The following TSPOAP1 variants were observed in gnomAD, a reference collection of about 807,000 sequenced individuals.
TSPOAP1 encodes the protein TSPO associated protein 1.
TSPOAP1 carries 87 observed loss-of-function variants against 197.0 expected under a neutral mutation model. That is an observed-to-expected ratio of 0.44 (90% CI 0.37 to 0.53). TSPOAP1 has a LOEUF of 0.53. Ranked by LOEUF, TSPOAP1 falls within the 20% of genes least tolerant of loss-of-function variation. The pLI is 0.00. For synonymous variants in TSPOAP1, 913 were observed against 998.9 expected, an observed-to-expected ratio of 0.91 and a Z score of 1.62; for missense variants, 2,174 against 2,411.3, an observed-to-expected ratio of 0.90 and a Z score of 2.06.
Position 58,323,349 on chromosome 17 carries a change from G to C in TSPOAP1, c.1053C>G (p.Cys351Trp). ...TCCGGGCTTCCTGCTCCAGGCTCTC[G>C]CATTTCTTCCGCTTCTTGCTGAGCT... ...ESELSKKRKKCESLEQEARKK... is the reference protein window; with the variant it reads ...ESELSKKRKKWESLEQEARKK... The change falls in exon 7 of 32, where the codon TGC becomes TGG. Residue 351 changes from cysteine (C) to tryptophan (W), a missense_variant. Physicochemically the swap from Cys to Trp is radical, Grantham distance 215 (BLOSUM62 -2). Transcript: ENST00000343736. The C allele has an allele frequency of 6.2e-7, 1 of 1,614,202 alleles. No individual in the cohort carries two copies. Among genetic ancestry groups the C allele is most frequent in the Non-Finnish European group, 8.5e-7 (1 of 1,180,018 alleles).
intron 10 of TSPOAP1, among the ~76,000 whole-genome samples, chr17:58,321,864 A>G (rs1201545496): frequency 6.6e-6 from 1 of 152,148 alleles, no homozygotes; most frequent in African/African-American, 2.4e-5. Flanking sequence ...AACTCTTCCC[A>G]TGGCCGTTAA....
In TSPOAP1 at chr17:58,310,134, C is replaced by A. The variant is rs200895361; in HGVS notation, c.3724G>T (p.Val1242Phe). Reference protein sequence around the residue: ...AEKEDTAELGVHLVNSLVDHG... With the variant: ...AEKEDTAELGFHLVNSLVDHG... ...TCCACGAGGGAGTTCACCAGATGAA[C>A]CCCAAGCTCTGCTGTGTCCTCCTTC... is the stretch of plus-strand genomic sequence containing the variant. The change falls in exon 21 of 32, where the codon GTT becomes TTT. Residue 1242 changes from valine (V) to phenylalanine (F), a missense_variant. By Grantham distance (50) the Val-to-Phe change is conservative. Around this residue, in one of 5 missense-constraint regions of TSPOAP1, gnomAD observed 1,933 missense variants for 2,139.0 expected, o/e 0.90. Transcript: ENST00000343736. 5 of 1,613,048 alleles carry A rather than the reference C, an allele frequency of 3.1e-6. No individual in the cohort carries two copies. Among genetic ancestry groups the A allele is most frequent in the Non-Finnish European group, 3.4e-6 (4 of 1,179,950 alleles).
At chr17:58,308,503 C>G (rs1197041428) in intron 22 of TSPOAP1, 38 bp downstream of exon 22, 1 of 1,482,908 alleles carries the variant, frequency 6.7e-7, no homozygotes, top group Non-Finnish European at 8.9e-7. Context: ...CAGGTGGCAG[C>G]AGGCAGGGGC....
At position 58,323,467 on chromosome 17, in the gene TSPOAP1, C is replaced by A. The variant is rs1361412129; in HGVS notation, c.1020+1G>T. 3.1e-6 allele frequency: 5 copies of A among 1,614,102 alleles called. No homozygotes were observed. The highest frequency in any genetic ancestry group is 1.3e-5 in the African/African-American group (1 of 74,950). ...CCTCCAGCCCTTGACCTAGGACTTACCAGCTGCTGCACCCTCTGCTCTTTC... is the reference window on the plus strand; with the variant it reads ...CCTCCAGCCCTTGACCTAGGACTTAACAGCTGCTGCACCCTCTGCTCTTTC... On this transcript the variant is annotated splice_donor_variant, in intron 6 of 31. Transcript: ENST00000343736. LOFTEE classifies it high-confidence loss of function.
At position 58,305,337 on chromosome 17, in the gene TSPOAP1, G is replaced by A. The variant is rs529225806; in HGVS notation, c.5433+50C>T. The A allele has an allele frequency of 2.1e-5, 34 of 1,597,670 alleles. No individual in the cohort carries two copies. In the South Asian group the frequency reaches 2.8e-4, roughly 13 times the overall value. Reference sequence around the variant, plus strand: ...GGGTTCCTTGCCTATCCCCCTGTCCGAAGTCTGGGGGGCTGGGATATGGTA... The same window carrying A: ...GGGTTCCTTGCCTATCCCCCTGTCCAAAGTCTGGGGGGCTGGGATATGGTA... On this transcript the variant is annotated intron_variant, in intron 29 of 31. Transcript: ENST00000343736.
In TSPOAP1 at chr17:58,322,445, C is replaced by T; in HGVS notation, c.1318-33G>A. The T allele has an allele frequency of 6.3e-7, 1 of 1,598,180 alleles. No homozygotes were observed. Among genetic ancestry groups the T allele is most frequent in the South Asian group, 1.1e-5 (1 of 90,668 alleles). The stretch of plus-strand genomic sequence containing the variant: ...ACAAGATCTGAGTCAAGGCCAGAGC[C>T]CCTACTTGGCCATTTCTAGAGAAGA... On this transcript the variant is annotated intron_variant, in intron 9 of 31. Coordinates refer to ENST00000343736, the MANE Select transcript of TSPOAP1 (RefSeq NM_004758.4). The surrounding 1 kb of genome is among the most constrained non-coding windows in gnomAD (Gnocchi z 5.0).
In TSPOAP1 at chr17:58,306,410, T is replaced by C; in HGVS notation, c.5156A>G (p.Asn1719Ser). 6.4e-7 allele frequency: 1 copy of C among 1,554,894 alleles called. No individual in the cohort carries two copies. Among genetic ancestry groups the C allele is most frequent in the Middle Eastern group, 1.7e-4 (1 of 5,992 alleles). ...SPDILLEGSG[N>S]GPFVYSTAHT... is the part of the protein sequence containing the mutation. ...GGCTGTGGAGTACACAAACGGACCATTCCCTGATCCAGAAAAGCAGAGAGA... is the reference window on the plus strand; with the variant it reads ...GGCTGTGGAGTACACAAACGGACCACTCCCTGATCCAGAAAAGCAGAGAGA... Residue 1719 changes from asparagine (N) to serine (S), a missense_variant, in exon 26 of 32, where the codon AAT becomes AGT. Coordinates refer to ENST00000343736, the MANE Select transcript of TSPOAP1 (RefSeq NM_004758.4).
Position 58,310,858 on chromosome 17 carries a change from T to C in TSPOAP1, c.3437A>G (p.Asp1146Gly). The stretch of plus-strand genomic sequence containing the variant: ...TACCTGGGAGCAAGGTGCTGGAGGG[T>C]CCTCGTGGGACCCTTTTGCCATCTC... Reference protein sequence around the residue: ...SREMAKGSHEDPPAPCSQEEA... With the variant: ...SREMAKGSHEGPPAPCSQEEA... The change falls in exon 19 of 32, where the codon GAC (aspartate) becomes GGC (glycine). Residue 1146 changes from aspartate to glycine, a missense_variant. Asp to Gly is a moderately conservative substitution (Grantham distance 94). Transcript: ENST00000343736. 6.5e-7 allele frequency: 1 copy of C among 1,540,478 alleles called. No homozygotes were observed.
In TSPOAP1 at chr17:58,308,899, G is replaced by A. The variant is rs748315052; in HGVS notation, c.4373C>T (p.Pro1458Leu). 1.9e-6 allele frequency: 3 copies of A among 1,597,864 alleles called. No individual in the cohort carries two copies. The highest frequency in any genetic ancestry group is 1.3e-5 in the African/African-American group (1 of 74,368). Reference sequence around the variant, plus strand: ...CCCGCTAGCCTCTAGTCCAGTCCTGGGGCCCTCAATTACGGGGAGGCCACC... The same window carrying A: ...CCCGCTAGCCTCTAGTCCAGTCCTGAGGCCCTCAATTACGGGGAGGCCACC... ...ERGGLPVIEG[P>L]RTGLEASGRG... is the part of the protein sequence containing the mutation. Residue 1458 changes from proline (P) to leucine (L), a missense_variant, in exon 22 of 32, where the codon CCC becomes CTC. Around this residue, in one of 5 missense-constraint regions of TSPOAP1, gnomAD observed 1,933 missense variants for 2,139.0 expected, o/e 0.90. Coordinates refer to ENST00000343736, the MANE Select transcript of TSPOAP1 (RefSeq NM_004758.4).
At position 58,318,434 on chromosome 17, in the gene TSPOAP1, C is replaced by A. The variant is rs1204865958; in HGVS notation, c.1718G>T (p.Gly573Val). The A allele has an allele frequency of 3.7e-6, 6 of 1,613,272 alleles. No homozygotes were observed. The highest frequency in any genetic ancestry group is 1.1e-5 in the South Asian group (1 of 91,030). The change falls in exon 14 of 32, where the codon GGC (glycine) becomes GTC (valine). Residue 573 changes from glycine to valine, a missense_variant. By Grantham distance (109) the Gly-to-Val change is moderately radical. This residue lies in a region of TSPOAP1 where 1,933 missense variants were observed against 2,139.0 expected (regional missense o/e 0.90). Transcript: ENST00000343736. ...CTTTGGGGTGCAGCGCCCAGGGGAG[C>A]CCGGCGGGAGGTCAAGGTCTAAAGA... ...SGPKDLDLPP[G>V]SPGRCTPKSS...
chr17:58,323,120 C>G, intron 7 of TSPOAP1, 81 bp from the exon 8 acceptor site: 4 of 1,523,220 alleles, frequency 2.6e-6, no homozygotes, highest in Non-Finnish European at 2.7e-6. Flanking sequence ...CTGCCCTCCT[C>G]CCAGGCAAGG....
At position 58,305,048 on chromosome 17, in the gene TSPOAP1, G is replaced by A. The variant is rs1323711434; in HGVS notation, c.5544+13C>T. 3 of 1,607,548 alleles carry A rather than the reference G, an allele frequency of 1.9e-6. No homozygotes were observed. Among genetic ancestry groups the A allele is most frequent in the Admixed American group, 1.7e-5 (1 of 60,012 alleles). On this transcript the variant is annotated intron_variant, in intron 30 of 31. Coordinates refer to ENST00000343736, the MANE Select transcript of TSPOAP1 (RefSeq NM_004758.4). ...ACTGCCCTGCCAAGCTGGGAGCCCA[G>A]CTCCTCACTGACCTGACTCTCAGCC...
chr17:58,307,569 G>A, intron 24 of TSPOAP1, 42 bp downstream of exon 24: 1 of 1,603,024 alleles, frequency 6.2e-7, no homozygotes, highest in Non-Finnish European at 8.5e-7. Flanking sequence ...GGAAGACCCA[G>A]CTGGTGTTTG....
In TSPOAP1 at chr17:58,328,510, GTGGGTC is replaced by G. The variant is rs1218669694; in HGVS notation, c.-596_-591del. 3 of 154,708 alleles carry G rather than the reference GTGGGTC, an allele frequency of 1.9e-5. No individual in the cohort carries two copies. The highest frequency in any genetic ancestry group is 7.2e-5 in the African/African-American group (3 of 41,430). The allele number at this position is 154,708 out of a possible 1,614,324, so 9.6% of individuals were successfully genotyped here. On this transcript the variant is annotated 5_prime_UTR_variant, in exon 1 of 32. Coordinates refer to ENST00000343736, the MANE Select transcript of TSPOAP1 (RefSeq NM_004758.4). The surrounding 1 kb of genome is among the most constrained non-coding windows in gnomAD (Gnocchi z 4.3). ...TGTCGTTGTGTGTCTGTCAGTGTCT[GTGGGTC>G]TGGCCGTCTGTCGCAACCCCTCAGC...
intron 16 of TSPOAP1, among the ~76,000 whole-genome samples, chr17:58,314,359 C>T (rs762890873): frequency 2.0e-5 from 3 of 152,198 alleles, no homozygotes; most frequent in Admixed American, 6.5e-5. Flanking sequence ...TTGGAAAAAG[C>T]GTCTTTGCAG....
chr17:58,320,480 C>T (rs761605611), intron 11 of TSPOAP1, 51 bp downstream of exon 11: 49 of 1,473,872 alleles, frequency 3.3e-5, no homozygotes, highest in Non-Finnish European at 4.3e-5. Flanking sequence ...TGGAGGACCC[C>T]CGCCTTCCTC....
At chr17:58,311,772 G>C (rs759073133) in intron 17 of TSPOAP1, 50 bp from the exon 18 acceptor site, 1 of 1,516,498 alleles carries the variant, frequency 6.6e-7, no homozygotes, top group Non-Finnish European at 8.8e-7. Context: ...CTCCCCATCA[G>C]AGATACCTGC....
chr17:58,326,492 CTT>C lies in TSPOAP1; in HGVS notation c.442-73_442-72del. 1 of 1,591,554 alleles carries C rather than the reference CTT, an allele frequency of 6.3e-7. No individual in the cohort carries two copies. Among genetic ancestry groups the C allele is most frequent in the Non-Finnish European group, 8.6e-7 (1 of 1,168,678 alleles). On this transcript the variant is annotated intron_variant, in intron 2 of 31. Transcript: ENST00000343736. This position sits in a 1 kb window ranked among gnomAD's most constrained non-coding sequence, Gnocchi z 4.7. ...CAGACCCAGTCCTAACAGCCCAAGT[CTT>C]GGGCTAGAGCCCTAGGCTCACAGTG...
At chr17:58,320,805 A>G (rs1971382452) in intron 10 of TSPOAP1, among the ~76,000 whole-genome samples, 1 of 152,094 alleles carries the variant, frequency 6.6e-6, no homozygotes, top group African/African-American at 2.4e-5. Context: ...CAGAAGGCAA[A>G]GGGGACCAGG....
Sources: allele counts gnomAD v4.1 joint callset (sites outside exome capture counted in the v4.1 genomes callset), GRCh38; gene constraint gnomAD v4.1.1; regional missense constraint gnomAD v4.1.1; non-coding constraint Gnocchi (gnomAD v3.1); transcripts MANE v1.5; gene names NCBI Gene and HGNC (gene_info 2026-07-23, HGNC 2026-07-21).